The following WDR25 variants were observed in gnomAD, a reference collection of about 807,000 sequenced individuals.
WDR25 encodes WD repeat domain 25, also known as WD repeat-containing protein 25.
WDR25 carries 35 observed loss-of-function variants against 47.7 expected under a neutral mutation model. The ratio of observed to expected loss-of-function variants is 0.73; its 90% CI spans 0.56 to 0.97. The LOEUF is 0.97. WDR25 is among the 50% of genes least tolerant of loss of function. The pLI, the probability that WDR25 is intolerant of heterozygous loss-of-function variation, is 0.00. For synonymous variants in WDR25, 248 were observed against 278.9 expected, an observed-to-expected ratio of 0.89 and a Z score of 1.10; for missense variants, 634 against 704.7, an observed-to-expected ratio of 0.90 and a Z score of 1.14.
At chr14:100,494,784 G>A (rs947297911) in intron 4 of WDR25, among the ~76,000 whole-genome samples, 4 of 152,326 alleles carry the variant, frequency 2.6e-5, no homozygotes, top group African/African-American at 4.8e-5. Flanking sequence ...AGCCAGTGGC[G>A]GTTGGGTATT....
chr14:100,391,672 A>G (rs1897149205), intron 2 of WDR25, among the ~76,000 whole-genome samples: 2 of 151,794 alleles, frequency 1.3e-5, no homozygotes, highest in African/African-American at 4.8e-5. Context: ...AAAAGATTCA[A>G]CATAGTTGAG....
At chr14:100,438,353 G>T (rs1331707579) in intron 2 of WDR25, among the ~76,000 whole-genome samples, 1 of 152,196 alleles carries the variant, frequency 6.6e-6, no homozygotes, top group Non-Finnish European at 1.5e-5. Flanking sequence ...TTCAGAATTG[G>T]TTTATAATAT....
chr14:100,434,519 G>C (rs1738970866), intron 2 of WDR25, among the ~76,000 whole-genome samples: 1 of 152,122 alleles, frequency 6.6e-6, no homozygotes, highest in African/African-American at 2.4e-5. Context: ...GTGTTTCTTG[G>C]GTTTGTTCCC....
rs1201807028 is a variant in WDR25, at chr14:100,502,363, A to T, written c.1101+18239A>T. Among the ~76,000 whole-genome samples the T allele has an allele frequency of 2.6e-5, 4 of 152,182 alleles. No individual in the cohort carries two copies. The highest frequency in any genetic ancestry group is 4.8e-5 in the African/African-American group (2 of 41,440). On this transcript the variant is annotated intron_variant, in intron 4 of 6. Transcript: ENST00000402312. The surrounding 1 kb of genome is among the most constrained non-coding windows in gnomAD (Gnocchi z 4.5). ...TCATTCCCTGGTCCTCAGTTTCCCC[A>T]TCTGCCAGGAATAGGCTGAACTCCA...
chr14:100,526,284 G>C (rs1050973057), intron 5 of WDR25, among the ~76,000 whole-genome samples: 2 of 152,148 alleles, frequency 1.3e-5, no homozygotes, highest in Non-Finnish European at 2.9e-5. Context: ...AGGGTCTGGT[G>C]GGGGGCGGTT....
rs887691867 is a variant in WDR25 at position 100,407,249 on chromosome 14, T to A, written c.822+25503T>A. On this transcript the variant is annotated intron_variant, in intron 2 of 6. Transcript: ENST00000402312. This position sits in a 1 kb window ranked among gnomAD's most constrained non-coding sequence, Gnocchi z 4.1. ...TCCTGAAAAGTTGCTTTCAGATTCT[T>A]ATTGATGTGCTCACATTTTTTGGGG... is the stretch of plus-strand genomic sequence containing the variant. 3 of 152,238 alleles carry A rather than the reference T, an allele frequency of 2.0e-5. No homozygotes were observed. The highest frequency in any genetic ancestry group is 2.9e-5 in the Non-Finnish European group (2 of 68,038). 9.4% of individuals were successfully genotyped at this position (152,238 alleles called of 1,614,324 possible).
At chr14:100,490,911 G>T (rs889206052) in intron 4 of WDR25, among the ~76,000 whole-genome samples, 7 of 152,252 alleles carry the variant, frequency 4.6e-5, no homozygotes, top group Non-Finnish European at 7.4e-5. Context: ...TGGACTTTTT[G>T]TGCTTTCCAC....
rs145771911 is a variant in WDR25 at position 100,419,898 on chromosome 14, A to C, written c.822+38152A>C. On this transcript the variant is annotated intron_variant, in intron 2 of 6. Coordinates refer to ENST00000402312, the MANE Select transcript of WDR25 (RefSeq NM_001161476.3). The stretch of plus-strand genomic sequence containing the variant: ...CAGAGAACACGCACATTTGAAATTA[A>C]TGGGAAATTGTCTTTTCTAAAGAAT... 2.3e-3 allele frequency among the ~76,000 whole-genome samples: 352 copies of C among 152,376 alleles called. 3 individuals carry two copies. The highest frequency in any genetic ancestry group is 8.1e-3 in the African/African-American group (336 of 41,588).
rs148330087 is a variant in WDR25 at position 100,379,367 on chromosome 14, C to A, written c.-15-1543C>A. Among the ~76,000 whole-genome samples, 1,291 of 150,776 alleles carry A rather than the reference C, an allele frequency of 8.6e-3. 24 individuals are homozygous for A. The highest frequency in any genetic ancestry group is 0.03 in the African/African-American group (1,231 of 41,142). ...CTGTCTCTTTCTCTGTAGGCATTGT[C>A]TCTTCAGGTCTTCTTTTTTTTTCTT... On this transcript the variant is annotated intron_variant, in intron 1 of 6. Transcript: ENST00000402312.
At chr14:100,518,877 G>C (rs1156234520) in intron 4 of WDR25, among the ~76,000 whole-genome samples, 1 of 150,828 alleles carries the variant, frequency 6.6e-6, no homozygotes, top group Non-Finnish European at 1.5e-5. Context: ...CTGGGGGACA[G>C]AGCGAGACTT....
At position 100,529,726 on chromosome 14, in the gene WDR25, A is replaced by G; in HGVS notation, c.1414-94A>G. 7.2e-7 allele frequency: 1 copy of G among 1,391,692 alleles called. No individual in the cohort carries two copies. 86.2% of individuals were successfully genotyped at this position (1,391,692 alleles called of 1,614,324 possible). A position where few individuals can be genotyped will look rare whatever the true frequency, so the allele number is the denominator to read the frequency against. On this transcript the variant is annotated intron_variant, in intron 6 of 6. Coordinates refer to ENST00000402312, the MANE Select transcript of WDR25 (RefSeq NM_001161476.3). The surrounding 1 kb of genome is among the most constrained non-coding windows in gnomAD (Gnocchi z 5.1). ...GTGCGAAGCCCAGCTCTGCTCCGTC[A>G]GCTCGGGGCTTCAGCCTGCTCCTCT...
chr14:100,414,650 TGG>T (rs1318015204), intron 2 of WDR25, among the ~76,000 whole-genome samples: 2 of 152,196 alleles, frequency 1.3e-5, no homozygotes, highest in Non-Finnish European at 2.9e-5. Flanking sequence ...TGGTGTGGAC[TGG>T]ACATGTTTTC....
At chr14:100,434,056 T>C (rs1412158588) in intron 2 of WDR25, among the ~76,000 whole-genome samples, 1 of 149,586 alleles carries the variant, frequency 6.7e-6, no homozygotes, top group Non-Finnish European at 1.5e-5. Context: ...TGAAAAGCCG[T>C]TTCTACAAAA....
At chr14:100,480,124 CTG>C (rs1566930351) in intron 3 of WDR25, among the ~76,000 whole-genome samples, 2 of 152,204 alleles carry the variant, frequency 1.3e-5, no homozygotes, top group Non-Finnish European at 2.9e-5. Context: ...CCAAAGACTG[CTG>C]TTTGTGATTC....
At chr14:100,489,870 C>G (rs941195342) in intron 4 of WDR25, among the ~76,000 whole-genome samples, 8 of 152,228 alleles carry the variant, frequency 5.3e-5, no homozygotes, top group Non-Finnish European at 1.2e-4. Flanking sequence ...CTCTGGGACT[C>G]TCATGATAAA....
chr14:100,400,995 C>T lies in WDR25; in HGVS notation c.822+19249C>T, dbSNP rs150928985. ...ATCTTTGCAAATAAAAGAATGTTCACGTTAAAAACAATTTTCAAGAAAGAT... is the reference window on the plus strand; with the variant it reads ...ATCTTTGCAAATAAAAGAATGTTCATGTTAAAAACAATTTTCAAGAAAGAT... On this transcript the variant is annotated intron_variant, in intron 2 of 6. Transcript: ENST00000402312. Among the ~76,000 whole-genome samples, 607 of 152,108 alleles carry T rather than the reference C, an allele frequency of 4.0e-3. 2 individuals are homozygous for T. The highest frequency in any genetic ancestry group is 0.014 in the African/African-American group (571 of 41,472).
At chr14:100,447,416 C>T (rs368703433) in intron 2 of WDR25, among the ~76,000 whole-genome samples, 1 of 152,316 alleles carries the variant, frequency 6.6e-6, no homozygotes, top group African/African-American at 2.4e-5. Flanking sequence ...TGTGCTGAGG[C>T]GTGGGCGTGC....
At chr14:100,408,051 T>C (rs1240907752) in intron 2 of WDR25, among the ~76,000 whole-genome samples, 2 of 151,868 alleles carry the variant, frequency 1.3e-5, no homozygotes, top group Non-Finnish European at 2.9e-5. Context: ...GAGAGTGTGG[T>C]GATGGTAATG....
At chr14:100,402,374 A>C (rs558495870) in intron 2 of WDR25, among the ~76,000 whole-genome samples, 3 of 152,136 alleles carry the variant, frequency 2.0e-5, no homozygotes, top group Non-Finnish European at 2.9e-5. Context: ...CCTAAAAAAA[A>C]AAAACAAAAC....
Sources: gnomAD v4.1 joint callset for allele counts (sites outside exome capture counted in the v4.1 genomes callset) on GRCh38, gnomAD v4.1.1 for gene constraint, Gnocchi (gnomAD v3.1) non-coding constraint, MANE v1.5 for transcripts, NCBI Gene and HGNC (gene_info 2026-07-23, HGNC 2026-07-21) for gene names.